TCF7L2: variants seen among roughly 807,000 people sequenced by gnomAD.
The protein encoded by TCF7L2 is transcription factor 7 like 2.
A neutral mutation model predicts 77.9 loss-of-function variants in TCF7L2; 23 were observed. That is an observed-to-expected ratio of 0.30 (90% CI 0.21 to 0.42). The LOEUF is 0.42. Among genes scored for constraint, TCF7L2 ranks in the 10% least tolerant of loss-of-function variants. The pLI, the probability that TCF7L2 is intolerant of heterozygous loss-of-function variation, is 1.00. For missense variants in TCF7L2, 654 were observed against 793.1 expected (o/e 0.82, Z 2.11); for synonymous variants, 413 against 340.2 (o/e 1.21, Z -2.36).
intron 3 of TCF7L2, 135 bp from the exon 4 acceptor site, chr10:112,964,421 G>A (rs141684540): frequency 2.8e-6 from 2 of 713,548 alleles, no homozygotes; most frequent in East Asian, 2.8e-5. Context: ...ACAAATGAAA[G>A]TACACAGGTC....
intron 4 of TCF7L2, among the ~76,000 whole-genome samples, chr10:113,003,163 G>T (rs1232522456): frequency 1.3e-5 from 2 of 152,168 alleles, no homozygotes; most frequent in African/African-American, 4.8e-5. Context: ...TTCCACATTG[G>T]ATATGCAAGT....
chr10:113,123,805 G>T (rs536712719), intron 5 of TCF7L2, among the ~76,000 whole-genome samples: 20 of 152,172 alleles, frequency 1.3e-4, no homozygotes, highest in African/African-American at 4.6e-4. Context: ...CTTGACGTGC[G>T]TGTGAACAAA....
chr10:112,955,302 A>C (rs1456256072), intron 3 of TCF7L2, among the ~76,000 whole-genome samples: 2 of 152,224 alleles, frequency 1.3e-5, no homozygotes, highest in African/African-American at 4.8e-5. Context: ...CTCCTTCAGA[A>C]ATATTTATGG....
chr10:113,091,171 G>A (rs1350114735), intron 5 of TCF7L2, among the ~76,000 whole-genome samples: 1 of 152,144 alleles, frequency 6.6e-6, no homozygotes, highest in Non-Finnish European at 1.5e-5. Context: ...CAAAGTGCTA[G>A]GATTACAGGC....
Position 113,144,088 on chromosome 10 carries a change from CTGTGTGTGTGTCTGTGTGTGTGTGTG to C in TCF7L2, c.788+75_788+100del, listed in dbSNP as rs1297905667. 3,471 of 1,259,302 alleles carry C rather than the reference CTGTGTGTGTGTCTGTGTGTGTGTGTG, an allele frequency of 2.8e-3. 20 individuals are homozygous for C. Among genetic ancestry groups the C allele is most frequent in the Admixed American group, 0.017 (870 of 50,180 alleles). 78.0% of individuals were successfully genotyped at this position (1,259,302 alleles called of 1,614,324 possible). ...TACATGGGCATGTTTATTATTTATT[CTGTGTGTGTGTCTGTGTGTGTGTGTG>C]TGTGTGTGTGTGTGTGTGTGTGTAT... is the stretch of plus-strand genomic sequence containing the variant. On this transcript the variant is annotated intron_variant, in intron 7 of 13. Coordinates refer to ENST00000627217, the MANE Select transcript of TCF7L2 (RefSeq NM_001146274.2).
At chr10:113,049,917 G>A (rs150613645) in intron 5 of TCF7L2, among the ~76,000 whole-genome samples, 7 of 152,104 alleles carry the variant, frequency 4.6e-5, no homozygotes, top group Admixed American at 6.5e-5. Context: ...GCAAGTCCCC[G>A]TTCATCAGAC....
intron 4 of TCF7L2, among the ~76,000 whole-genome samples, chr10:113,009,038 C>T (rs756246446): frequency 3.3e-5 from 5 of 152,144 alleles, no homozygotes; most frequent in Non-Finnish European, 5.9e-5. Context: ...TGGGTTCAAG[C>T]GATCCTCCCA....
At chr10:113,066,709 G>A (rs1001965840) in intron 5 of TCF7L2, among the ~76,000 whole-genome samples, 1 of 152,182 alleles carries the variant, frequency 6.6e-6, no homozygotes, top group Admixed American at 6.5e-5. Flanking sequence ...TTGTGCCAAC[G>A]ATCAGCTCTT....
chr10:113,083,394 C>T (rs117174579), intron 5 of TCF7L2, among the ~76,000 whole-genome samples: 143 of 152,212 alleles, frequency 9.4e-4, no homozygotes, highest in Middle Eastern at 3.4e-3. Context: ...GGATTGCATA[C>T]ATCTGCCATG....
intron 5 of TCF7L2, among the ~76,000 whole-genome samples, chr10:113,070,108 C>G (rs948463928): frequency 4.6e-5 from 7 of 151,702 alleles, no homozygotes; most frequent in Admixed American, 2.6e-4. Flanking sequence ...ATACAAAAAT[C>G]AGCTGAGTGT....
At chr10:112,975,762 G>A (rs72826065) in intron 4 of TCF7L2, among the ~76,000 whole-genome samples, 32,544 of 152,224 alleles carry the variant, frequency 0.21, 4,654 homozygotes, top group East Asian at 0.68. Flanking sequence ...GATTACAGGC[G>A]TGAGCCGCCA....
At chr10:113,008,282 C>A (rs2045914077) in intron 4 of TCF7L2, among the ~76,000 whole-genome samples, 1 of 152,200 alleles carries the variant, frequency 6.6e-6, no homozygotes, top group Admixed American at 6.5e-5. Flanking sequence ...GCGTTGGGTA[C>A]CTTTTTGGTG....
intron 13 of TCF7L2, 34 bp from the exon 15 acceptor site, chr10:113,165,521 T>G: frequency 1.2e-6 from 2 of 1,604,938 alleles, no homozygotes; most frequent in Non-Finnish European, 1.7e-6. Flanking sequence ...ATCTGTGCCC[T>G]CTATTCACAG....
In TCF7L2 at chr10:112,952,152, T is replaced by C. The variant is rs567015129; in HGVS notation, c.381+545T>C. ...GTAGAGAGTGGGTTTCCTCCAGGCA[T>C]TGGACTTGAGAACTGGCTAGCGCGC... On this transcript the variant is annotated intron_variant, in intron 3 of 13. Transcript: ENST00000627217. Among the ~76,000 whole-genome samples, 14 of 152,268 alleles carry C rather than the reference T, an allele frequency of 9.2e-5. No homozygotes were observed. In the East Asian group the frequency reaches 2.3e-3, roughly 25 times the overall value.
intron 5 of TCF7L2, among the ~76,000 whole-genome samples, chr10:113,044,119 T>G (rs545968957): frequency 6.6e-6 from 1 of 152,298 alleles, no homozygotes; most frequent in Admixed American, 6.5e-5. Flanking sequence ...TGTTTTGTTG[T>G]GTAATGAGCA....
intron 5 of TCF7L2, among the ~76,000 whole-genome samples, chr10:113,106,020 G>C (rs1234858116): frequency 3.9e-5 from 6 of 152,296 alleles, no homozygotes; most frequent in African/African-American, 1.4e-4. Flanking sequence ...GCAGTAAGTG[G>C]AATGTTACCT....
chr10:113,125,723 A>G (rs2065478948), intron 5 of TCF7L2: 1 of 152,240 alleles, frequency 6.6e-6, no homozygotes, highest in East Asian at 1.9e-4. Flanking sequence ...AGGTGGCAAG[A>G]TAATTTGTGC....
chr10:113,107,613 A>G (rs930618410), intron 5 of TCF7L2, among the ~76,000 whole-genome samples: 2 of 151,838 alleles, frequency 1.3e-5, no homozygotes, highest in Non-Finnish European at 2.9e-5. Flanking sequence ...CGTGGTGGCG[A>G]GTACCTGTAG....
At chr10:113,003,857 G>A (rs2044979484) in intron 4 of TCF7L2, among the ~76,000 whole-genome samples, 1 of 152,208 alleles carries the variant, frequency 6.6e-6, no homozygotes, top group Non-Finnish European at 1.5e-5. Flanking sequence ...AGCAGGCTCT[G>A]TGCTTGGTGG....
Sources: allele counts gnomAD v4.1 joint callset (sites outside exome capture counted in the v4.1 genomes callset), GRCh38; gene constraint gnomAD v4.1.1; transcripts MANE v1.5; gene names NCBI Gene and HGNC (gene_info 2026-07-23, HGNC 2026-07-21).